Variants in IQCM observed in about 807,000 individuals in gnomAD.
The protein encoded by IQCM is IQ motif containing M, also known as IQ domain-containing protein M.
In IQCM, 45 loss-of-function variants were observed where a neutral mutation model predicts 57.6. The observed-to-expected ratio is 0.78, with a 90% CI of 0.62 to 1.00. The LOEUF (loss-of-function observed/expected upper bound fraction) is 1.00. Among genes scored for constraint, IQCM ranks in the 50% least tolerant of loss-of-function variants. IQCM has a pLI of 0.00. For missense variants in IQCM, 468 were observed against 511.6 expected (o/e 0.91, Z 0.82); for synonymous variants, 148 against 158.9 (o/e 0.93, Z 0.51).
intron 2 of IQCM, among the ~76,000 whole-genome samples, chr4:149,805,525 T>A: frequency 6.6e-6 from 1 of 152,058 alleles, no homozygotes; most frequent in Non-Finnish European, 1.5e-5. Context: ...ATTTAACATG[T>A]AGCTGCAGAA....
chr4:149,535,828 C>T (rs1431150988), intron 12 of IQCM, among the ~76,000 whole-genome samples: 1 of 151,922 alleles, frequency 6.6e-6, no homozygotes, highest in Non-Finnish European at 1.5e-5. Context: ...TAGGGTAAGA[C>T]AGGAAAGTGG....
intron 13 of IQCM, among the ~76,000 whole-genome samples, chr4:149,355,513 G>A (rs1728906000): frequency 2.0e-5 from 3 of 150,810 alleles, no homozygotes; most frequent in African/African-American, 4.9e-5. Context: ...TTGTCCTTGC[G>A]ATAGTTTGCT....
chr4:149,781,833 G>T (rs571341950), intron 2 of IQCM, among the ~76,000 whole-genome samples: 1 of 152,238 alleles, frequency 6.6e-6, no homozygotes, highest in South Asian at 2.1e-4. Flanking sequence ...TAAGTAGGCA[G>T]CCTAGGAAAA....
intron 7 of IQCM, among the ~76,000 whole-genome samples, chr4:149,655,470 T>A (rs1002899790): frequency 5.3e-5 from 8 of 152,172 alleles, no homozygotes; most frequent in African/African-American, 1.7e-4. Context: ...CATGTTTTCC[T>A]AAAGAAGATC....
In IQCM at chr4:149,621,121, ATACT is replaced by A; in HGVS notation, c.681+4_681+7del. 1.9e-5 allele frequency: 22 copies of A among 1,178,182 alleles called. No homozygotes were observed. The highest frequency in any genetic ancestry group is 2.3e-5 in the Non-Finnish European group (22 of 938,726). The allele number at this position is 1,178,182 out of a possible 1,614,324, so 73.0% of individuals were successfully genotyped here. On this transcript the variant is annotated splice_donor_5th_base_variant and intron_variant, in intron 8 of 13. Coordinates refer to ENST00000636793, the MANE Select transcript of IQCM (RefSeq NM_001363507.2). Reference sequence around the variant, plus strand: ...TTCAAATCTACATCCAGTTTTATAAATACTTACAGAATAATAATCCCGAAATATT... The same window carrying A: ...TTCAAATCTACATCCAGTTTTATAAATACAGAATAATAATCCCGAAATATT...
intron 12 of IQCM, among the ~76,000 whole-genome samples, chr4:149,487,983 AG>A (rs1440119515): frequency 6.6e-6 from 1 of 152,104 alleles, no homozygotes; most frequent in African/African-American, 2.4e-5. Context: ...GTGTTCCAGC[AG>A]GGGGTTAGGG....
intron 12 of IQCM, among the ~76,000 whole-genome samples, chr4:149,440,143 T>C (rs1347159939): frequency 6.8e-6 from 1 of 147,332 alleles, no homozygotes; most frequent in Admixed American, 6.8e-5. Flanking sequence ...TTTTTTTTTT[T>C]TTTTAGTAGA....
intron 12 of IQCM, among the ~76,000 whole-genome samples, chr4:149,463,568 C>T (rs1022930263): frequency 3.9e-5 from 6 of 152,076 alleles, no homozygotes; most frequent in African/African-American, 1.4e-4. Context: ...CCATGGAAAC[C>T]ATATTCTGAA....
intron 12 of IQCM, among the ~76,000 whole-genome samples, chr4:149,451,893 A>G (rs1191797139): frequency 3.3e-5 from 5 of 151,754 alleles, no homozygotes; most frequent in African/African-American, 4.8e-5. Context: ...AAAAGTGATG[A>G]CAGGCATCTA....
intron 12 of IQCM, among the ~76,000 whole-genome samples, chr4:149,495,793 G>A (rs950622759): frequency 2.6e-5 from 4 of 151,926 alleles, no homozygotes; most frequent in Non-Finnish European, 4.4e-5. Flanking sequence ...GAAAAGTTTG[G>A]GAAAATACTT....
chr4:149,539,729 A>G (rs72726123), intron 12 of IQCM, among the ~76,000 whole-genome samples: 32,489 of 151,798 alleles, frequency 0.21, 4,339 homozygotes, highest in Non-Finnish European at 0.29. Flanking sequence ...GCTGGGCATT[A>G]TTGTGGGCAC....
intron 7 of IQCM, among the ~76,000 whole-genome samples, chr4:149,646,722 G>A (rs972825365): frequency 2.0e-5 from 3 of 152,098 alleles, no homozygotes; most frequent in Admixed American, 6.6e-5. Context: ...AGTGGCTCAC[G>A]CCTGTAATCC....
At chr4:149,620,446 A>T (rs1561068935) in intron 8 of IQCM, among the ~76,000 whole-genome samples, 1 of 152,234 alleles carries the variant, frequency 6.6e-6, no homozygotes, top group Non-Finnish European at 1.5e-5. Context: ...AGACATATTC[A>T]CACACACAAC....
intron 7 of IQCM, among the ~76,000 whole-genome samples, chr4:149,635,226 C>T (rs1757619212): frequency 6.6e-6 from 1 of 152,174 alleles, no homozygotes; most frequent in Admixed American, 6.5e-5. Context: ...CATATCTCAG[C>T]AATCTCCCAA....
intron 13 of IQCM, among the ~76,000 whole-genome samples, chr4:149,393,176 A>G (rs1731983470): frequency 6.6e-6 from 1 of 152,026 alleles, no homozygotes; most frequent in South Asian, 2.1e-4. Flanking sequence ...CTGCCTCCAA[A>G]AAATATATAC....
intron 2 of IQCM, among the ~76,000 whole-genome samples, chr4:149,803,490 T>A (rs886350340): frequency 1.3e-5 from 2 of 152,018 alleles, no homozygotes; most frequent in African/African-American, 4.8e-5. Flanking sequence ...TCAAAGGCAT[T>A]CTTCATTTCT....
chr4:149,623,566 T>C (rs925525216), intron 7 of IQCM, among the ~76,000 whole-genome samples: 7 of 152,220 alleles, frequency 4.6e-5, no homozygotes, highest in African/African-American at 1.7e-4. Flanking sequence ...ATGCAACAAA[T>C]TCCAGTTTAT....
At chr4:149,534,866 C>G (rs974316024) in intron 12 of IQCM, among the ~76,000 whole-genome samples, 3 of 152,068 alleles carry the variant, frequency 2.0e-5, no homozygotes, top group Non-Finnish European at 2.9e-5. Context: ...AAAAAGGAAG[C>G]TTTTAGCATA....
chr4:149,674,103 C>T (rs1761545418), intron 7 of IQCM, among the ~76,000 whole-genome samples: 1 of 152,164 alleles, frequency 6.6e-6, no homozygotes, highest in Middle Eastern at 3.4e-3. Flanking sequence ...GAGTTGTTCA[C>T]CATATTCTCA....
Sources: gnomAD v4.1 joint callset for allele counts (sites outside exome capture counted in the v4.1 genomes callset) on GRCh38, gnomAD v4.1.1 for gene constraint, MANE v1.5 for transcripts, NCBI Gene and HGNC (gene_info 2026-07-23, HGNC 2026-07-21) for gene names.